Variants in SCNN1B observed in about 807,000 individuals in gnomAD.
The protein encoded by SCNN1B is epithelial sodium channel subunit beta.
SCNN1B carries 46 observed loss-of-function variants against 65.3 expected under a neutral mutation model. The observed-to-expected ratio is 0.70, with a 90% CI of 0.56 to 0.90. The LOEUF (loss-of-function observed/expected upper bound fraction) is 0.90, where lower values mean the gene tolerates loss of function less well. SCNN1B is among the 40% of genes least tolerant of loss of function. SCNN1B has a pLI of 0.00. For synonymous variants in SCNN1B, 349 were observed against 330.6 expected, an observed-to-expected ratio of 1.06 and a Z score of -0.60; for missense variants, 751 against 830.5, an observed-to-expected ratio of 0.90 and a Z score of 1.18.
At chr16:23,345,274 C>T (rs1050404641) in intron 1 of SCNN1B, among the ~76,000 whole-genome samples, 29 of 152,068 alleles carry the variant, frequency 1.9e-4, no homozygotes, top group Non-Finnish European at 4.1e-4. Context: ...TGCGATCTCC[C>T]GGGAGAAGCC....
At chr16:23,373,169 A>G (rs1349557115) in intron 7 of SCNN1B, among the ~76,000 whole-genome samples, 1 of 152,178 alleles carries the variant, frequency 6.6e-6, no homozygotes, top group Non-Finnish European at 1.5e-5. Context: ...CCCAGGCTGA[A>G]GTGCTGTGGT....
intron 11 of SCNN1B, 129 bp from the exon 12 acceptor site, chr16:23,379,965 T>C: frequency 1.3e-6 from 1 of 776,516 alleles, no homozygotes; most frequent in Non-Finnish European, 2.3e-6. Context: ...GGTGTGTGGG[T>C]ACATGTGTGT....
intron 9 of SCNN1B, 29 bp downstream of exon 9, chr16:23,377,269 G>C (rs377068678): frequency 6.2e-7 from 1 of 1,614,072 alleles, no homozygotes; most frequent in South Asian, 1.1e-5. Context: ...GCACAGCAGC[G>C]GGCAGGCATG....
intron 1 of SCNN1B, among the ~76,000 whole-genome samples, chr16:23,282,757 TACC>T (rs917692466): frequency 1.3e-4 from 20 of 152,352 alleles, no homozygotes; most frequent in African/African-American, 4.8e-4. Flanking sequence ...ACCCAGAAGT[TACC>T]ACCACTTTTT....
chr16:23,343,581 G>GAGAAAGAAAGAA (rs200738425), intron 1 of SCNN1B, among the ~76,000 whole-genome samples: 2,033 of 70,310 alleles, frequency 0.029, 65 homozygotes, highest in East Asian at 0.036. Context: ...GAAAGAAAAA[G>GAGAAAGAAAGAA]AGAAAGAAAG....
At chr16:23,301,988 G>A (rs72652272), upstream of SCNN1B, among the ~76,000 whole-genome samples, 441 of 152,248 alleles carry the variant, frequency 2.9e-3, 1 homozygote, top group African/African-American at 0.01. Flanking sequence ...GGGTGGGATG[G>A]AGTGTTCATA....
chr16:23,324,779 G>A (rs238546), intron 1 of SCNN1B, among the ~76,000 whole-genome samples: 4,920 of 152,288 alleles, frequency 0.032, 125 homozygotes, highest in Middle Eastern at 0.068. Flanking sequence ...TTGGCAGGGA[G>A]GGAGCAGATG....
At chr16:23,334,736 T>G (rs1364227945) in intron 1 of SCNN1B, among the ~76,000 whole-genome samples, 1 of 152,226 alleles carries the variant, frequency 6.6e-6, no homozygotes, top group Non-Finnish European at 1.5e-5. Flanking sequence ...ATCCTTAAAC[T>G]GTGCACACGT....
At chr16:23,303,429 C>G (rs1441373821) in intron 1 of SCNN1B, among the ~76,000 whole-genome samples, 1 of 152,120 alleles carries the variant, frequency 6.6e-6, no homozygotes, top group Non-Finnish European at 1.5e-5. Flanking sequence ...GTGACCCAAC[C>G]TGCCTACCCA....
At chr16:23,283,868 G>C (rs1285220365) in intron 2 of SCNN1B, 4 of 152,216 alleles carry the variant, frequency 2.6e-5, no homozygotes, top group African/African-American at 9.7e-5. Context: ...GTCATGCTCA[G>C]AACTTGGTCC....
chr16:23,355,868 A>C (rs1242828640), intron 4 of SCNN1B, among the ~76,000 whole-genome samples: 2 of 152,120 alleles, frequency 1.3e-5, no homozygotes, highest in Non-Finnish European at 2.9e-5. Flanking sequence ...AGACGGGAGG[A>C]TCGCTTGAGA....
At chr16:23,284,388 G>C (rs1260891753) in intron 2 of SCNN1B, among the ~76,000 whole-genome samples, 1 of 151,962 alleles carries the variant, frequency 6.6e-6, no homozygotes. Context: ...CTGGGCAACA[G>C]AGCAAGACTC....
chr16:23,351,062 G>A (rs1962299560), intron 2 of SCNN1B, among the ~76,000 whole-genome samples: 1 of 152,222 alleles, frequency 6.6e-6, no homozygotes, highest in South Asian at 2.1e-4. Flanking sequence ...CCAACATGGT[G>A]AGACAGCATC....
chr16:23,378,959 C>G (rs1035751652), intron 11 of SCNN1B, among the ~76,000 whole-genome samples, 192 bp downstream of exon 11: 3 of 151,920 alleles, frequency 2.0e-5, no homozygotes, highest in Admixed American at 1.3e-4. Flanking sequence ...CTACCACCTG[C>G]TAAGGAGAAG....
intron 1 of SCNN1B, among the ~76,000 whole-genome samples, chr16:23,344,307 G>A (rs2142012545): frequency 6.6e-6 from 1 of 152,330 alleles, no homozygotes; most frequent in South Asian, 2.1e-4. Flanking sequence ...TTGGAGAGGT[G>A]TTAAGGAGCT....
chr16:23,301,981 T>C (rs1049752872), upstream of SCNN1B, among the ~76,000 whole-genome samples: 1 of 151,236 alleles, frequency 6.6e-6, no homozygotes, highest in Non-Finnish European at 1.5e-5. Context: ...ACGCGTGGGG[T>C]GGGATGGAGT....
chr16:23,357,097 G>A (rs1461901308), intron 4 of SCNN1B, among the ~76,000 whole-genome samples: 2 of 152,164 alleles, frequency 1.3e-5, no homozygotes, highest in Non-Finnish European at 2.9e-5. Context: ...CCTTGATCTG[G>A]GGCCTCCAAT....
In SCNN1B at chr16:23,377,194, G is replaced by T; in HGVS notation, c.1300G>T (p.Val434Leu). 6.2e-7 allele frequency: 1 copy of T among 1,614,228 alleles called. No homozygotes were observed. The highest frequency in any genetic ancestry group is 8.5e-7 in the Non-Finnish European group (1 of 1,180,030). ...AHCYSDLQMS[V>L]AQRETCIGMC... ...TTGCTACTCAGATCTACAGATGAGC[G>T]TGGCGCAGAGAGAGACCTGCATTGG... Residue 434 changes from valine (V) to leucine (L), a missense_variant, in exon 9 of 13, where the codon GTG (valine) becomes TTG (leucine). Physicochemically the swap from Val to Leu is conservative, Grantham distance 32 (BLOSUM62 1). Coordinates refer to ENST00000343070, the MANE Select transcript of SCNN1B (RefSeq NM_000336.3).
chr16:23,343,560 GAAAAAAGAAAGAAAGA>G (rs1962106063), intron 1 of SCNN1B, among the ~76,000 whole-genome samples: 1 of 125,396 alleles, frequency 8.0e-6, no homozygotes, highest in African/African-American at 3.1e-5. Context: ...AGGAAGGAAG[GAAAAAAGAAAGAAAGA>G]AAAAGAGAAA....
Sources: gnomAD v4.1 joint callset for allele counts (sites outside exome capture counted in the v4.1 genomes callset) on GRCh38, gnomAD v4.1.1 for gene constraint, MANE v1.5 for transcripts, NCBI Gene and HGNC (gene_info 2026-07-23, HGNC 2026-07-21) for gene names.